The following CIRSR variants were observed in gnomAD, a reference collection of about 807,000 sequenced individuals.
CIRSR encodes the protein corepressor of RBPJ and splicing regulator, also known as CBF1 (RBPJ) interacting corepressor 1.
chr2:174,350,761 TATC>T, the CIRSR span: 1 of 1,555,170 alleles, frequency 6.4e-7, no homozygotes, highest in South Asian at 1.2e-5. Flanking sequence ...TCAACAAAGA[TATC>T]ATTAAATTGC....
At chr2:174,379,409 AT>A in the CIRSR span, among the ~76,000 whole-genome samples, 2 of 152,152 alleles carry the variant, frequency 1.3e-5, no homozygotes, top group African/African-American at 2.4e-5. Flanking sequence ...GCTGGTAAAC[AT>A]TTTCTGTAAA....
chr2:174,387,569 C>T, the CIRSR span: 18 of 1,131,414 alleles, frequency 1.6e-5, no homozygotes, highest in Admixed American at 3.3e-5. Context: ...CGGAAAGACA[C>T]GAATCCTATA....
chr2:174,349,245 AC>A, the CIRSR span: 102 of 847,736 alleles, frequency 1.2e-4, 2 homozygotes, highest in Middle Eastern at 3.2e-3. Context: ...TTATGAACAA[AC>A]AATATATTTT....
At chr2:174,393,253 T>C in the CIRSR span, among the ~76,000 whole-genome samples, 6 of 152,044 alleles carry the variant, frequency 3.9e-5, no homozygotes, top group African/African-American at 1.4e-4. Flanking sequence ...GCTTCCTTCA[T>C]TAACAAAATC....
chr2:174,382,793 A>C, the CIRSR span, among the ~76,000 whole-genome samples: 1 of 151,650 alleles, frequency 6.6e-6, no homozygotes, highest in Non-Finnish European at 1.5e-5. Context: ...TAGGCTTTTT[A>C]GAAAAAAAAA....
chr2:174,395,509 G>A, the CIRSR span: 1 of 1,579,920 alleles, frequency 6.3e-7, no homozygotes, highest in Non-Finnish European at 8.7e-7. Context: ...CTGGGAAGGC[G>A]GTCCCTGTGG....
the CIRSR span, among the ~76,000 whole-genome samples, chr2:174,355,138 G>A: frequency 6.6e-6 from 1 of 152,056 alleles, no homozygotes; most frequent in African/African-American, 2.4e-5. Context: ...CAGAGGCTAC[G>A]TAGAGTTACA....
chr2:174,387,624 T>C, the CIRSR span: 4 of 1,506,112 alleles, frequency 2.7e-6, no homozygotes, highest in African/African-American at 5.7e-5. Context: ...TATCATTCAG[T>C]AGGAAATTAT....
At chr2:174,354,283 TAA>T in the CIRSR span, among the ~76,000 whole-genome samples, 6 of 147,714 alleles carry the variant, frequency 4.1e-5, 1 homozygote, top group African/African-American at 1.0e-4. Context: ...TAGTACTTAA[TAA>T]AGAGTAACAA....
chr2:174,375,372 C>T, the CIRSR span, among the ~76,000 whole-genome samples: 2 of 152,166 alleles, frequency 1.3e-5, no homozygotes, highest in Non-Finnish European at 2.9e-5. Context: ...CTGTGGGAGG[C>T]TGAGGTGGGA....
At chr2:174,376,509 G>A in the CIRSR span, among the ~76,000 whole-genome samples, 2 of 152,032 alleles carry the variant, frequency 1.3e-5, no homozygotes, top group African/African-American at 4.8e-5. Flanking sequence ...GAAATGGAGG[G>A]CTGGAGGGCC....
the CIRSR span, chr2:174,380,685 T>G: frequency 6.2e-7 from 1 of 1,612,884 alleles, no homozygotes; most frequent in Non-Finnish European, 8.5e-7. Context: ...CATTCAAATT[T>G]GTATTCGGTC....
the CIRSR span, among the ~76,000 whole-genome samples, chr2:174,389,290 T>C: frequency 6.6e-6 from 1 of 152,170 alleles, no homozygotes; most frequent in Non-Finnish European, 1.5e-5. Flanking sequence ...TGAATGGCTT[T>C]AACCAAAATG....
At chr2:174,379,860 A>T in the CIRSR span, among the ~76,000 whole-genome samples, 2 of 150,852 alleles carry the variant, frequency 1.3e-5, no homozygotes, top group Non-Finnish European at 2.9e-5. Context: ...AGTAGCTGGG[A>T]TTACAGGCGC....
the CIRSR span, among the ~76,000 whole-genome samples, chr2:174,367,040 A>G: frequency 1.3e-5 from 2 of 152,224 alleles, no homozygotes; most frequent in African/African-American, 2.4e-5. Flanking sequence ...TAAGAGACAA[A>G]AAAAGGAAAC....
chr2:174,379,575 C>T, the CIRSR span, among the ~76,000 whole-genome samples: 1 of 152,084 alleles, frequency 6.6e-6, no homozygotes, highest in Non-Finnish European at 1.5e-5. Flanking sequence ...CAAGGATTTG[C>T]CCTCTGATGA....
At chr2:174,385,074 G>A in the CIRSR span, among the ~76,000 whole-genome samples, 1 of 151,960 alleles carries the variant, frequency 6.6e-6, no homozygotes, top group African/African-American at 2.4e-5. Flanking sequence ...AATTAGCTGG[G>A]TGTGGTGGTG....
chr2:174,390,373 TTTG>T, the CIRSR span, among the ~76,000 whole-genome samples: 1 of 152,262 alleles, frequency 6.6e-6, no homozygotes, highest in Non-Finnish European at 1.5e-5. Flanking sequence ...CTGTAGCCCC[TTTG>T]TTTTGTCCAA....
the CIRSR span, among the ~76,000 whole-genome samples, chr2:174,356,578 G>GGAAA: frequency 4.1e-5 from 5 of 122,960 alleles, no homozygotes; most frequent in Non-Finnish European, 8.7e-5. Flanking sequence ...GAGAAAGAAA[G>GGAAA]GAAAGAAAGA....
Sources: allele counts gnomAD v4.1 joint callset (sites outside exome capture counted in the v4.1 genomes callset), GRCh38; gene constraint gnomAD v4.1.1; transcripts MANE v1.5; gene names NCBI Gene and HGNC (gene_info 2026-07-23, HGNC 2026-07-21).